The following VPS13C variants were observed in gnomAD, a reference collection of about 807,000 sequenced individuals.
VPS13C encodes intermembrane lipid transfer protein VPS13C.
Under a neutral mutation model 456.8 loss-of-function variants are expected in VPS13C, and 358 were observed. That is an observed-to-expected ratio of 0.78 (90% confidence interval 0.72 to 0.86). VPS13C has a LOEUF of 0.86. Among genes scored for constraint, VPS13C ranks in the 40% least tolerant of loss-of-function variants. VPS13C has a pLI of 0.00. For synonymous variants in VPS13C, 1,578 were observed against 1,486.7 expected (o/e 1.06, Z -1.41); for missense variants, 4,818 against 4,385.4 (o/e 1.10, Z -2.79).
chr15:61,857,513 G>A (rs1031370047), intron 82 of VPS13C, among the ~76,000 whole-genome samples: 17 of 152,312 alleles, frequency 1.1e-4, no homozygotes, highest in Non-Finnish European at 2.1e-4. Flanking sequence ...TGGTGAAGCT[G>A]CGAGAAAATG....
At chr15:61,869,375 C>T (rs1894843458) in intron 80 of VPS13C, 125 bp downstream of exon 80, 2 of 1,112,456 alleles carry the variant, frequency 1.8e-6, no homozygotes, top group Non-Finnish European at 2.5e-6. Flanking sequence ...TGTTTTAAAG[C>T]TACCACAGCT....
At chr15:62,015,946 TAAA>T (rs1446440971) in intron 9 of VPS13C, among the ~76,000 whole-genome samples, 1 of 14,910 alleles carries the variant, frequency 6.7e-5, no homozygotes, top group Non-Finnish European at 1.6e-4. Context: ...AAATAAAAAA[TAAA>T]AAAAGAAGTC....
intron 8 of VPS13C, among the ~76,000 whole-genome samples, chr15:62,022,164 C>T (rs1415430190): frequency 1.3e-5 from 2 of 151,988 alleles, no homozygotes; most frequent in East Asian, 1.9e-4. Flanking sequence ...TCCCCCTTAT[C>T]CTCTGGAGAT....
chr15:61,926,083 C>T (rs1332123969), intron 52 of VPS13C, among the ~76,000 whole-genome samples: 6 of 152,000 alleles, frequency 3.9e-5, no homozygotes, highest in Non-Finnish European at 8.8e-5. Flanking sequence ...GCAATTAGTA[C>T]GGCATAATTG....
At chr15:61,911,803 T>C in intron 63 of VPS13C, 37 bp downstream of exon 63, 2 of 1,506,110 alleles carry the variant, frequency 1.3e-6, no homozygotes, top group Non-Finnish European at 1.8e-6. Context: ...TTTATTTGTA[T>C]ATTTTAGGAA....
intron 3 of VPS13C, among the ~76,000 whole-genome samples, chr15:62,040,456 T>C (rs2048202322): frequency 6.6e-6 from 1 of 152,048 alleles, no homozygotes; most frequent in Admixed American, 6.6e-5. Flanking sequence ...TCAAAATATC[T>C]CATGTACCCC....
At chr15:61,998,153 T>C (rs1314192707) in intron 16 of VPS13C, among the ~76,000 whole-genome samples, 3 of 152,186 alleles carry the variant, frequency 2.0e-5, no homozygotes, top group Admixed American at 6.5e-5. Context: ...AGTTACACTT[T>C]ATTATTTCTG....
chr15:62,005,758 A>G (rs1332441836), intron 15 of VPS13C, among the ~76,000 whole-genome samples: 2 of 151,814 alleles, frequency 1.3e-5, no homozygotes, highest in Admixed American at 1.3e-4. Context: ...GCTGGAATGC[A>G]ATGGCAGGAT....
intron 9 of VPS13C, among the ~76,000 whole-genome samples, chr15:62,016,256 A>C (rs2047243257): frequency 6.6e-6 from 1 of 150,648 alleles, no homozygotes. Flanking sequence ...CACTGTCCTT[A>C]ACTTTATTTT....
Position 61,882,675 on chromosome 15 carries a change from T to C in VPS13C, c.9545A>G (p.Asp3182Gly), listed in dbSNP as rs1895949596. 3 of 1,600,064 alleles carry C rather than the reference T, an allele frequency of 1.9e-6. No homozygotes were observed. Among genetic ancestry groups the C allele is most frequent in the African/African-American group, 1.3e-5 (1 of 74,326 alleles). ...RLPIRSPIKR[D>G]FLSGIQIEFK... ...TTCAATCTGAATTCCTGATAAAAAGTCTCGTTTAATAGGGCTACGAATAGG... is the reference window on the plus strand; with the variant it reads ...TTCAATCTGAATTCCTGATAAAAAGCCTCGTTTAATAGGGCTACGAATAGG... The change falls in exon 69 of 85, where the codon GAC (aspartate) becomes GGC (glycine). Residue 3182 changes from aspartate to glycine, a missense_variant. By Grantham distance (94) the Asp-to-Gly change is moderately conservative (BLOSUM62 -1). Transcript: ENST00000644861.
Position 62,016,427 on chromosome 15 carries a change from C to T in VPS13C, c.685-2435G>A, listed in dbSNP as rs1024391070. On this transcript the variant is annotated intron_variant, in intron 9 of 84. Transcript: ENST00000644861. ...TTAATGCTATCCCTCCCCCCTCCCCCGACCCCACAACAGGCCCCAGTGTGT... is the reference window on the plus strand; with the variant it reads ...TTAATGCTATCCCTCCCCCCTCCCCTGACCCCACAACAGGCCCCAGTGTGT... Among the ~76,000 whole-genome samples the T allele has an allele frequency of 8.4e-5, 10 of 119,746 alleles. No individual in the cohort carries two copies. In the Admixed American group the frequency reaches 9.4e-4, roughly 11 times the overall value. 78.6% of individuals were successfully genotyped at this position (119,746 alleles called of 152,430 possible). A position where few individuals can be genotyped will look rare whatever the true frequency, so the allele number is the denominator to read the frequency against.
chr15:61,930,804 C>T (rs756508768), intron 50 of VPS13C, among the ~76,000 whole-genome samples: 6 of 152,182 alleles, frequency 3.9e-5, no homozygotes, highest in African/African-American at 7.2e-5. Context: ...TAGAAAAATA[C>T]ATCACCAAAT....
At chr15:61,993,216 T>C (rs2140427886) in intron 16 of VPS13C, among the ~76,000 whole-genome samples, 1 of 152,304 alleles carries the variant, frequency 6.6e-6, no homozygotes, top group South Asian at 2.1e-4. Flanking sequence ...CTAAAAAGCA[T>C]TTGGATATTT....
At chr15:61,998,918 C>A (rs2046491975) in intron 16 of VPS13C, among the ~76,000 whole-genome samples, 1 of 152,178 alleles carries the variant, frequency 6.6e-6, no homozygotes, top group Non-Finnish European at 1.5e-5. Context: ...TATATTTTCA[C>A]TTTCTTATAA....
chr15:62,014,653 A>G (rs529187210), intron 9 of VPS13C, among the ~76,000 whole-genome samples: 1 of 152,312 alleles, frequency 6.6e-6, no homozygotes, highest in Non-Finnish European at 1.5e-5. Flanking sequence ...CCACTATAAT[A>G]GCAGGAAATA....
intron 35 of VPS13C, among the ~76,000 whole-genome samples, chr15:61,960,860 G>T (rs1376941141): frequency 6.6e-6 from 1 of 152,158 alleles, no homozygotes; most frequent in Admixed American, 6.5e-5. Context: ...CAGAACACCT[G>T]ATATCAGGAG....
chr15:61,889,584 A>G (rs1343216020), intron 67 of VPS13C, among the ~76,000 whole-genome samples: 1 of 152,178 alleles, frequency 6.6e-6, no homozygotes. Context: ...ACATACTCTA[A>G]TATTTTTCTT....
chr15:61,854,314 T>G lies in VPS13C; in HGVS notation c.*143A>C. On this transcript the variant is annotated 3_prime_UTR_variant, in exon 85 of 85. Transcript: ENST00000644861. ...AGTAAAAACTAAAAGGTGAAAAAAC[T>G]AGAAAACCCAATACTAGCTATTCCA... 2 of 776,668 alleles carry G rather than the reference T, an allele frequency of 2.6e-6. No individual in the cohort carries two copies. The highest frequency in any genetic ancestry group is 2.2e-6 in the Non-Finnish European group (1 of 463,338). The allele number at this position is 776,668 out of a possible 1,614,324, so 48.1% of individuals were successfully genotyped here. A position where few individuals can be genotyped will look rare whatever the true frequency, so the allele number is the denominator to read the frequency against.
rs114377312 is a variant in VPS13C at position 61,922,541 on chromosome 15, A to G, written c.6831T>C (p.Gly2277=). 6.2e-7 allele frequency: 1 copy of G among 1,614,034 alleles called. No homozygotes were observed. Among genetic ancestry groups the G allele is most frequent in the African/African-American group, 1.3e-5 (1 of 75,016 alleles). ...IEHSLIEENC[G]VVVESIQVTL... ...TAACTTGAATGGATTCTACAACAAC[A>G]CCACAATTTTCCTCTATCAGTGAAT... Residue 2277 remains glycine, a synonymous_variant, in exon 54 of 85, where the codon GGT becomes GGC. Coordinates refer to ENST00000644861, the MANE Select transcript of VPS13C (RefSeq NM_020821.3).
Sources: gnomAD v4.1 joint callset for allele counts (sites outside exome capture counted in the v4.1 genomes callset) on GRCh38, gnomAD v4.1.1 for gene constraint, MANE v1.5 for transcripts, NCBI Gene and HGNC (gene_info 2026-07-23, HGNC 2026-07-21) for gene names.